The following GALNTL6 variants were observed in gnomAD, a reference collection of about 807,000 sequenced individuals.
The protein encoded by GALNTL6 is polypeptide N-acetylgalactosaminyltransferase like 6, also known as polypeptide N-acetylgalactosaminyltransferase-like 6.
In GALNTL6, 46 loss-of-function variants were observed where a neutral mutation model predicts 73.7. The ratio of observed to expected loss-of-function variants is 0.62; its 90% CI spans 0.49 to 0.80. The LOEUF is 0.80. Among genes scored for constraint, GALNTL6 ranks in the 30% least tolerant of loss-of-function variants. GALNTL6 has a pLI of 0.00. For missense variants in GALNTL6, 604 were observed against 755.0 expected, an observed-to-expected ratio of 0.80 and a Z score of 2.34; for synonymous variants, 259 against 263.7, an observed-to-expected ratio of 0.98 and a Z score of 0.17.
chr4:171,945,048 T>C (rs1014702401), intron 2 of GALNTL6, among the ~76,000 whole-genome samples: 12 of 152,086 alleles, frequency 7.9e-5, no homozygotes, highest in Non-Finnish European at 1.3e-4. Context: ...TAAATGCCTC[T>C]TGAGAAGATG....
chr4:172,224,319 A>G (rs1332099330), intron 2 of GALNTL6, among the ~76,000 whole-genome samples: 1 of 152,188 alleles, frequency 6.6e-6, no homozygotes, highest in Non-Finnish European at 1.5e-5. Flanking sequence ...ATTTTTGCCT[A>G]TAGTTAGAAA....
chr4:172,263,204 C>G (rs1738317118), intron 3 of GALNTL6, among the ~76,000 whole-genome samples: 1 of 151,500 alleles, frequency 6.6e-6, no homozygotes, highest in African/African-American at 2.4e-5. Flanking sequence ...ATTATTCCCT[C>G]AAATAAGTTT....
At chr4:173,007,360 T>C (rs1464241910) in intron 10 of GALNTL6, among the ~76,000 whole-genome samples, 1 of 152,190 alleles carries the variant, frequency 6.6e-6, no homozygotes. Context: ...ATTATCATAA[T>C]CCAGGACTAT....
chr4:172,916,377 G>A (rs1747511448), intron 8 of GALNTL6, among the ~76,000 whole-genome samples: 1 of 152,144 alleles, frequency 6.6e-6, no homozygotes, highest in African/African-American at 2.4e-5. Context: ...ATTCAACATA[G>A]TGTTGGAATT....
chr4:172,946,579 AC>A (rs1749177832), intron 9 of GALNTL6, among the ~76,000 whole-genome samples: 1 of 152,198 alleles, frequency 6.6e-6, no homozygotes, highest in African/African-American at 2.4e-5. Flanking sequence ...CAAAGACCTG[AC>A]GTGTATTAGA....
chr4:172,377,725 G>T (rs567020593), intron 5 of GALNTL6, among the ~76,000 whole-genome samples: 1 of 152,114 alleles, frequency 6.6e-6, no homozygotes, highest in Non-Finnish European at 1.5e-5. Context: ...GTGCGGCACG[G>T]GTAGGCTGGC....
chr4:172,541,768 T>C (rs1365313755), intron 5 of GALNTL6, among the ~76,000 whole-genome samples: 1 of 152,156 alleles, frequency 6.6e-6, no homozygotes, highest in Admixed American at 6.5e-5. Context: ...GTATGCATGC[T>C]CACTTGAGGC....
chr4:171,958,467 A>G (rs749566638), intron 2 of GALNTL6, among the ~76,000 whole-genome samples: 1 of 152,184 alleles, frequency 6.6e-6, no homozygotes, highest in Admixed American at 6.5e-5. Flanking sequence ...ATCAATAAGT[A>G]TATTTTAAAA....
intron 2 of GALNTL6, among the ~76,000 whole-genome samples, chr4:172,138,333 TA>T (rs2111031833): frequency 6.6e-6 from 1 of 150,394 alleles, no homozygotes; most frequent in Non-Finnish European, 1.5e-5. Context: ...CATGTTATTA[TA>T]TTACTCCTTT....
intron 2 of GALNTL6, among the ~76,000 whole-genome samples, chr4:171,976,158 A>G (rs991485756): frequency 1.3e-5 from 2 of 152,174 alleles, no homozygotes; most frequent in African/African-American, 4.8e-5. Flanking sequence ...CCTGACCTCA[A>G]GTAATTCTTC....
chr4:172,065,444 G>A (rs1192495266), intron 2 of GALNTL6, among the ~76,000 whole-genome samples: 1 of 151,998 alleles, frequency 6.6e-6, no homozygotes, highest in East Asian at 1.9e-4. Context: ...CCCCTGCACT[G>A]TATTACTCCA....
At chr4:172,441,978 C>G (rs749804659) in intron 5 of GALNTL6, among the ~76,000 whole-genome samples, 3 of 151,992 alleles carry the variant, frequency 2.0e-5, no homozygotes, top group Non-Finnish European at 2.9e-5. Context: ...TATCCAGCAT[C>G]AGGGAAATGA....
At chr4:172,790,620 C>T (rs1336492866) in intron 5 of GALNTL6, among the ~76,000 whole-genome samples, 3 of 152,068 alleles carry the variant, frequency 2.0e-5, no homozygotes, top group African/African-American at 7.2e-5. Flanking sequence ...ATAAAAGCAT[C>T]AGTTCTCACG....
intron 12 of GALNTL6, among the ~76,000 whole-genome samples, chr4:173,037,747 A>ATT (rs1262218886): frequency 1.9e-4 from 28 of 143,624 alleles, no homozygotes; most frequent in Middle Eastern, 3.5e-3. Context: ...CCACATGAGC[A>ATT]TTTTTTTTTT....
In GALNTL6 at chr4:172,839,887, T is replaced by C. The variant is rs553247701; in HGVS notation, c.923+26164T>C. 3.5e-4 allele frequency among the ~76,000 whole-genome samples: 54 copies of C among 152,354 alleles called. No homozygotes were observed. In the South Asian group the frequency reaches 7.5e-3, roughly 21 times the overall value. ...AAACCTGAAAAGCAAAGATTCTTTT[T>C]ATGTGAACATATGCAATTTTTCAGG... On this transcript the variant is annotated intron_variant, in intron 7 of 12. Transcript: ENST00000506823.
intron 5 of GALNTL6, among the ~76,000 whole-genome samples, chr4:172,516,742 A>G (rs1206933040): frequency 1.3e-5 from 2 of 152,222 alleles, no homozygotes; most frequent in African/African-American, 4.8e-5. Flanking sequence ...CCATGTTTAT[A>G]GCATCATTAG....
chr4:172,624,424 G>GA (rs11388110), intron 5 of GALNTL6, among the ~76,000 whole-genome samples: 53,364 of 149,110 alleles, frequency 0.36, 10,104 homozygotes, highest in Middle Eastern at 0.5. Context: ...CATCCACCTA[G>GA]AAAAAAAAAA....
intron 3 of GALNTL6, among the ~76,000 whole-genome samples, chr4:172,241,215 C>A (rs1316061163): frequency 6.6e-6 from 1 of 152,144 alleles, no homozygotes; most frequent in Non-Finnish European, 1.5e-5. Flanking sequence ...TGAGGCTCTT[C>A]TATGATTTCT....
At chr4:172,663,941 A>AAAGC (rs1731523780) in intron 5 of GALNTL6, among the ~76,000 whole-genome samples, 2 of 232 alleles carry the variant, frequency 8.6e-3, no homozygotes, top group South Asian at 0.14. Flanking sequence ...AAAAAAAAAA[A>AAAGC]AAGAAAGAAA....
Sources: gnomAD v4.1 joint callset for allele counts (sites outside exome capture counted in the v4.1 genomes callset) on GRCh38, gnomAD v4.1.1 for gene constraint, MANE v1.5 for transcripts, NCBI Gene and HGNC (gene_info 2026-07-23, HGNC 2026-07-21) for gene names.